NPL: variants seen among roughly 807,000 people sequenced by gnomAD.
NPL encodes N-acetylneuraminate lyase.
A neutral mutation model predicts 41.1 loss-of-function variants in NPL; 32 were observed. That is an observed-to-expected ratio of 0.78 (90% CI 0.59 to 1.05). NPL has a LOEUF of 1.05. Ranked by LOEUF, NPL falls within the 50% of genes least tolerant of loss-of-function variation. The pLI, the probability that NPL is intolerant of heterozygous loss-of-function variation, is 0.00. For missense variants in NPL, 321 were observed against 378.4 expected (o/e 0.85, Z 1.26); for synonymous variants, 128 against 134.9 (o/e 0.95, Z 0.35).
rs1036483686 is a variant in NPL, at chr1:182,829,922, T to C, written c.*1014T>C. 2.8e-6 allele frequency: 1 copy of C among 351,636 alleles called. No homozygotes were observed. Among genetic ancestry groups the C allele is most frequent in the Non-Finnish European group, 5.2e-6 (1 of 192,866 alleles). 21.8% of individuals were successfully genotyped at this position (351,636 alleles called of 1,614,324 possible). A position where few individuals can be genotyped will look rare whatever the true frequency, so the allele number is the denominator to read the frequency against. Reference sequence around the variant, plus strand: ...TAATCTCCCTTCTAACAAACCTTGATATAAGCTTTCTGATATCAAAGTATA... The same window carrying C: ...TAATCTCCCTTCTAACAAACCTTGACATAAGCTTTCTGATATCAAAGTATA... On this transcript the variant is annotated 3_prime_UTR_variant, in exon 13 of 13. Coordinates refer to ENST00000367553, the MANE Select transcript of NPL (RefSeq NM_030769.3).
At chr1:182,808,069 T>TTAGA (rs974651914) in intron 5 of NPL, among the ~76,000 whole-genome samples, 1 of 151,954 alleles carries the variant, frequency 6.6e-6, no homozygotes, top group African/African-American at 2.4e-5. Flanking sequence ...ACTGCCTGAG[T>TTAGA]TAGAGGCCCA....
chr1:182,812,071 C>G, intron 5 of NPL, 85 bp from the exon 6 acceptor site: 1 of 1,355,616 alleles, frequency 7.4e-7, no homozygotes, highest in Non-Finnish European at 1.1e-6. Flanking sequence ...CAGTTAACTG[C>G]TAAAATCAGC....
At chr1:182,825,882 A>C in intron 12 of NPL, 62 bp downstream of exon 12, 1 of 1,208,158 alleles carries the variant, frequency 8.3e-7, no homozygotes, top group Non-Finnish European at 1.2e-6. Flanking sequence ...ATGGAATACC[A>C]TCACTTTCTC....
chr1:182,814,813 G>T lies in NPL; in HGVS notation c.319G>T (p.Gly107Cys), dbSNP rs1467465034. 6.8e-6 allele frequency: 11 copies of T among 1,613,942 alleles called. No individual in the cohort carries two copies. The East Asian group carries it at 2.2e-4, about 33-fold the overall frequency. The change falls in exon 7 of 13, where the codon GGC becomes TGC. Residue 107 changes from glycine (G) to cysteine (C), a missense_variant. By Grantham distance (159) the Gly-to-Cys change is radical. Coordinates refer to ENST00000367553, the MANE Select transcript of NPL (RefSeq NM_030769.3). The part of the protein sequence containing the change: ...AQHAAEIGAD[G>C]IAVIAPFFLK... ...ACATGCAGCAGAAATAGGAGCTGATGGCATCGCTGTCATTGCACCGTTCTT... is the reference window on the plus strand; with the variant it reads ...ACATGCAGCAGAAATAGGAGCTGATTGCATCGCTGTCATTGCACCGTTCTT...
chr1:182,794,858 A>C (rs748154222), intron 3 of NPL, among the ~76,000 whole-genome samples: 8 of 152,208 alleles, frequency 5.3e-5, no homozygotes, highest in Non-Finnish European at 8.8e-5. Flanking sequence ...GGACGTCAGC[A>C]TGATTCCACT....
At chr1:182,790,472 C>T (rs752269343) in intron 1 of NPL, among the ~76,000 whole-genome samples, 5 of 152,130 alleles carry the variant, frequency 3.3e-5, no homozygotes, top group Non-Finnish European at 5.9e-5. Context: ...CTGAAAACTT[C>T]AAAGCATAAC....
chr1:182,818,881 C>T, intron 10 of NPL, 22 bp downstream of exon 10: 1 of 1,611,506 alleles, frequency 6.2e-7, no homozygotes, highest in South Asian at 1.1e-5. Context: ...TCATTTTTCC[C>T]AGTGGTTATA....
At chr1:182,821,011 T>C (rs1333899620) in intron 10 of NPL, among the ~76,000 whole-genome samples, 14 of 152,258 alleles carry the variant, frequency 9.2e-5, no homozygotes, top group Admixed American at 9.2e-4. Context: ...CGTTTCTCCC[T>C]AGTTATAATC....
At chr1:182,821,455 A>G (rs1203491896) in intron 10 of NPL, among the ~76,000 whole-genome samples, 1 of 152,198 alleles carries the variant, frequency 6.6e-6, no homozygotes, top group Admixed American at 6.5e-5. Context: ...GTTATAGAAG[A>G]CAACATGAAG....
chr1:182,805,562 A>C (rs1666980140), intron 4 of NPL, among the ~76,000 whole-genome samples: 1 of 152,214 alleles, frequency 6.6e-6, no homozygotes, highest in South Asian at 2.1e-4. Context: ...TTTATCTGTA[A>C]ATGAGAAAAA....
chr1:182,816,740 G>A lies in NPL; in HGVS notation c.391G>A (p.Val131Met). The change falls in exon 8 of 13, where the codon GTG becomes ATG. Residue 131 changes from valine (V) to methionine (M), a missense_variant. Physicochemically the swap from Val to Met is conservative, Grantham distance 21. Transcript: ENST00000367553. The part of the protein sequence containing the change: ...KDILINFLKE[V>M]AAAAPALPFY... ...TATCCTGATTAATTTCCTAAAGGAA[G>A]TGGCTGCTGCCGCCCCTGCCCTGCC... 2 of 1,612,754 alleles carry A rather than the reference G, an allele frequency of 1.2e-6. No individual in the cohort carries two copies. The highest frequency in any genetic ancestry group is 1.7e-6 in the Non-Finnish European group (2 of 1,179,636).
At chr1:182,790,443 T>C (rs954983270) in intron 1 of NPL, among the ~76,000 whole-genome samples, 1 of 152,232 alleles carries the variant, frequency 6.6e-6, no homozygotes, top group Non-Finnish European at 1.5e-5. Flanking sequence ...ATTTGAGCTA[T>C]TCGCTTTAGC....
intron 3 of NPL, among the ~76,000 whole-genome samples, chr1:182,799,497 T>C (rs1666770801): frequency 6.6e-6 from 1 of 152,070 alleles, no homozygotes; most frequent in Admixed American, 6.6e-5. Flanking sequence ...TAGAAAAATA[T>C]CAAACTAAGA....
intron 1 of NPL, among the ~76,000 whole-genome samples, chr1:182,791,008 C>T (rs1295297146): frequency 2.6e-5 from 4 of 151,998 alleles, no homozygotes; most frequent in Non-Finnish European, 5.9e-5. Context: ...CAAACTTTTA[C>T]GTAGTGTAGT....
intron 12 of NPL, chr1:182,827,029 CTCTG>C (rs1211091796): frequency 1.2e-4 from 18 of 152,186 alleles, no homozygotes; most frequent in African/African-American, 4.1e-4. Context: ...TGGTCAGTCT[CTCTG>C]TCTGTCTCTC....
At chr1:182,802,890 C>T (rs79657690) in intron 3 of NPL, among the ~76,000 whole-genome samples, 8,889 of 152,182 alleles carry the variant, frequency 0.058, 364 homozygotes, top group African/African-American at 0.12. Flanking sequence ...CTAACTGGGC[C>T]GGACTGTGTG....
chr1:182,803,657 G>GA, intron 3 of NPL, 41 bp from the exon 4 acceptor site: 3 of 1,356,140 alleles, frequency 2.2e-6, no homozygotes, highest in Non-Finnish European at 3.2e-6. Context: ...ATAATAATCT[G>GA]AAAAAGACTA....
chr1:182,808,792 AAAAAAT>A (rs1225618363), intron 5 of NPL, among the ~76,000 whole-genome samples: 2 of 151,906 alleles, frequency 1.3e-5, no homozygotes, highest in Admixed American at 6.6e-5. Context: ...CTGTCTCTAT[AAAAAAT>A]AAAAATAATA....
rs545066018 is a variant in NPL at position 182,828,114 on chromosome 1, G to A, written c.779-610G>A. On this transcript the variant is annotated intron_variant, in intron 12 of 12. Transcript: ENST00000367553. The surrounding 1 kb of genome is among the most constrained non-coding windows in gnomAD (Gnocchi z 4.0). Reference sequence around the variant, plus strand: ...TCTTTATCCCCAGACCAGTGGGCTGGGTTTTTTTCTATTGCTTTTTACAGA... The same window carrying A: ...TCTTTATCCCCAGACCAGTGGGCTGAGTTTTTTTCTATTGCTTTTTACAGA... 6.6e-6 allele frequency among the ~76,000 whole-genome samples: 1 copy of A among 152,118 alleles called. No homozygotes were observed. The highest frequency in any genetic ancestry group is 1.9e-4 in the East Asian group (1 of 5,172).
Sources: gnomAD v4.1 joint callset for allele counts (sites outside exome capture counted in the v4.1 genomes callset) on GRCh38, gnomAD v4.1.1 for gene constraint, Gnocchi (gnomAD v3.1) non-coding constraint, MANE v1.5 for transcripts, NCBI Gene and HGNC (gene_info 2026-07-23, HGNC 2026-07-21) for gene names.